Variants in SEMA5B observed in about 807,000 individuals in gnomAD.
The protein encoded by SEMA5B is semaphorin 5B, also known as semaphorin-5B.
Under a neutral mutation model 135.0 loss-of-function variants are expected in SEMA5B, and 66 were observed. The ratio of observed to expected loss-of-function variants is 0.49; its 90% CI spans 0.40 to 0.60. The LOEUF (loss-of-function observed/expected upper bound fraction) is 0.60, where lower values mean the gene tolerates loss of function less well. Among genes scored for constraint, SEMA5B ranks in the 20% least tolerant of loss-of-function variants. The probability of loss-of-function intolerance (pLI) is 0.00; values close to 1 mark genes in which losing one functional copy is unlikely to be tolerated. For missense variants in SEMA5B, 1,501 were observed against 1,566.3 expected, an observed-to-expected ratio of 0.96 and a Z score of 0.70; for synonymous variants, 690 against 639.5, an observed-to-expected ratio of 1.08 and a Z score of -1.19.
At chr3:122,979,556 A>C (rs1941451928) in intron 1 of SEMA5B, among the ~76,000 whole-genome samples, 1 of 152,104 alleles carries the variant, frequency 6.6e-6, no homozygotes, top group South Asian at 2.1e-4. Flanking sequence ...AGGGACTTGG[A>C]GATGAAATCC....
intron 1 of SEMA5B, among the ~76,000 whole-genome samples, chr3:122,965,339 C>T (rs1266072745): frequency 6.6e-6 from 1 of 152,202 alleles, no homozygotes; most frequent in Non-Finnish European, 1.5e-5. Flanking sequence ...GCTTCTTCAG[C>T]CTCTTTTGAA....
chr3:122,938,004 T>TGGACTGGCTGCCTGTGACTGAGC (rs1560327559), intron 5 of SEMA5B, among the ~76,000 whole-genome samples: 4 of 152,224 alleles, frequency 2.6e-5, no homozygotes, highest in Non-Finnish European at 5.9e-5. Flanking sequence ...AACTAGGCTC[T>TGGACTGGCTGCCTGTGACTGAGC]GGACTGGCTG....
At chr3:123,023,452 C>A (rs1321309795) in intron 1 of SEMA5B, among the ~76,000 whole-genome samples, 1 of 152,194 alleles carries the variant, frequency 6.6e-6, no homozygotes, top group Non-Finnish European at 1.5e-5. Context: ...ATAAGTAACA[C>A]TCCCTCCAAG....
intron 1 of SEMA5B, among the ~76,000 whole-genome samples, chr3:122,970,374 A>T (rs1460886360): frequency 3.3e-5 from 5 of 152,160 alleles, no homozygotes; most frequent in African/African-American, 1.2e-4. Flanking sequence ...GCTTGTTACA[A>T]CCGATTGTTG....
intron 3 of SEMA5B, 129 bp from the exon 4 acceptor site, chr3:122,943,664 G>C: frequency 1.6e-6 from 1 of 641,102 alleles, no homozygotes; most frequent in Non-Finnish European, 2.7e-6. Flanking sequence ...GAGACCTGGT[G>C]CCACCTGCCC....
Position 122,915,566 on chromosome 3 carries a change from C to G in SEMA5B, c.1862G>C (p.Cys621Ser). ...GFGPWSPWQP[C>S]EHLDGDNSGS... ...TGAGTTGTCCCCATCCAAGTGCTCACATGGTTGCCATGGTGACCATGGGCC... is the reference window on the plus strand; with the variant it reads ...TGAGTTGTCCCCATCCAAGTGCTCAGATGGTTGCCATGGTGACCATGGGCC... Residue 621 changes from cysteine (C) to serine (S), a missense_variant, in exon 14 of 23, where the codon TGT becomes TCT. Coordinates refer to ENST00000357599, the MANE Select transcript of SEMA5B (RefSeq NM_001031702.4). 6.2e-7 allele frequency: 1 copy of G among 1,614,076 alleles called. No homozygotes were observed. The highest frequency in any genetic ancestry group is 8.5e-7 in the Non-Finnish European group (1 of 1,179,964).
chr3:122,955,255 T>C (rs1035503299), intron 2 of SEMA5B, among the ~76,000 whole-genome samples: 10 of 152,334 alleles, frequency 6.6e-5, no homozygotes, highest in African/African-American at 2.4e-4. Flanking sequence ...ATGCTTGCTG[T>C]GTCTCTCGTT....
chr3:123,006,047 C>G (rs73859412), intron 1 of SEMA5B, among the ~76,000 whole-genome samples: 9,714 of 152,322 alleles, frequency 0.064, 890 homozygotes, highest in African/African-American at 0.21. Context: ...CTCCCCAGTT[C>G]TCACGAGACT....
intron 1 of SEMA5B, among the ~76,000 whole-genome samples, chr3:122,974,777 C>CT (rs1490364160): frequency 2.6e-5 from 4 of 152,208 alleles, no homozygotes; most frequent in African/African-American, 9.7e-5. Context: ...CCTTCCAGTG[C>CT]TTAATGAATG....
chr3:122,997,515 C>T lies in SEMA5B; in HGVS notation c.-39+29949G>A, dbSNP rs189507935. ...CACGCTACCTGGCTGGTCCCCAGGC[C>T]TCTCCCCCCCCCGTCTCCACCAGGG... On this transcript the variant is annotated intron_variant, in intron 1 of 22. Coordinates refer to ENST00000357599, the MANE Select transcript of SEMA5B (RefSeq NM_001031702.4). Among the ~76,000 whole-genome samples the T allele has an allele frequency of 6.0e-5, 9 of 150,376 alleles. No individual in the cohort carries two copies. In the East Asian group the frequency reaches 1.8e-3, roughly 30 times the overall value.
chr3:122,973,215 G>A (rs1323232830), intron 1 of SEMA5B, among the ~76,000 whole-genome samples: 3 of 152,234 alleles, frequency 2.0e-5, no homozygotes, highest in Non-Finnish European at 4.4e-5. Flanking sequence ...ACTCCAGCCT[G>A]TGTTCAGGCT....
intron 1 of SEMA5B, among the ~76,000 whole-genome samples, chr3:122,967,048 T>C (rs187200758): frequency 2.0e-5 from 3 of 151,298 alleles, no homozygotes; most frequent in Middle Eastern, 3.4e-3. Flanking sequence ...CCACATCCGG[T>C]TAATTTTGTA....
chr3:122,968,289 A>T (rs1940959549), intron 1 of SEMA5B, among the ~76,000 whole-genome samples: 1 of 152,164 alleles, frequency 6.6e-6, no homozygotes, highest in South Asian at 2.1e-4. Flanking sequence ...TCTCATTATA[A>T]TTGCGATAAT....
chr3:122,965,056 C>T (rs942925949), intron 1 of SEMA5B, among the ~76,000 whole-genome samples: 2 of 152,134 alleles, frequency 1.3e-5, no homozygotes, highest in African/African-American at 4.8e-5. Flanking sequence ...AGCTTTGTGA[C>T]TGGCTTACTT....
chr3:123,013,470 C>A (rs1208810202), intron 1 of SEMA5B, among the ~76,000 whole-genome samples: 1 of 152,152 alleles, frequency 6.6e-6, no homozygotes, highest in Non-Finnish European at 1.5e-5. Flanking sequence ...CATTCAATTC[C>A]CATGACAACC....
intron 1 of SEMA5B, among the ~76,000 whole-genome samples, chr3:123,025,656 C>T (rs1004986433): frequency 6.6e-6 from 1 of 152,046 alleles, no homozygotes; most frequent in African/African-American, 2.4e-5. Context: ...GAGAAAAGAG[C>T]TCCCCCTGAA....
At chr3:122,910,682 C>T (rs934550689) in intron 22 of SEMA5B, among the ~76,000 whole-genome samples, 158 bp downstream of exon 22, 42 of 151,032 alleles carry the variant, frequency 2.8e-4, no homozygotes, top group South Asian at 2.1e-4. Flanking sequence ...TAGTGGCGGG[C>T]GCCTGTAGTC....
chr3:122,929,219 G>A (rs370710147), intron 5 of SEMA5B, among the ~76,000 whole-genome samples, 161 bp from the exon 6 acceptor site: 4 of 152,202 alleles, frequency 2.6e-5, no homozygotes, highest in African/African-American at 9.6e-5. Context: ...CCACATGGAC[G>A]TGGGAGGGCT....
intron 1 of SEMA5B, among the ~76,000 whole-genome samples, chr3:122,963,613 GT>G (rs1940688188): frequency 6.6e-6 from 1 of 152,232 alleles, no homozygotes; most frequent in South Asian, 2.1e-4. Context: ...TTAAAAGGCT[GT>G]GATATAAGTG....
Sources: gnomAD v4.1 joint callset for allele counts (sites outside exome capture counted in the v4.1 genomes callset) on GRCh38, gnomAD v4.1.1 for gene constraint, MANE v1.5 for transcripts, NCBI Gene and HGNC (gene_info 2026-07-23, HGNC 2026-07-21) for gene names.